Variants in NR3C2 observed in about 807,000 individuals in gnomAD.
NR3C2 encodes the protein mineralocorticoid receptor.
In NR3C2, 15 loss-of-function variants were observed where a neutral mutation model predicts 86.4. The ratio of observed to expected loss-of-function variants is 0.17; its 90% CI spans 0.12 to 0.27. The LOEUF is 0.27. Among genes scored for constraint, NR3C2 ranks in the 10% least tolerant of loss-of-function variants. NR3C2 has a pLI of 1.00. For synonymous variants in NR3C2, 458 were observed against 450.5 expected (o/e 1.02, Z -0.21); for missense variants, 960 against 1,195.6 (o/e 0.80, Z 2.91).
intron 3 of NR3C2, among the ~76,000 whole-genome samples, chr4:148,219,901 T>A (rs1455374713): frequency 6.6e-6 from 1 of 152,164 alleles, no homozygotes; most frequent in African/African-American, 2.4e-5. Flanking sequence ...CTTACATAAA[T>A]AAAAGCTCTT....
rs141859117 is a variant in NR3C2 at position 148,197,659 on chromosome 4, C to T, written c.1898-2797G>A. ...AAGGATTTTAAAAAAAAATACCCTT[C>T]AAAAATTTGTTACTGTAACAACCCA... On this transcript the variant is annotated intron_variant, in intron 3 of 8. Transcript: ENST00000358102. 1.6e-4 allele frequency among the ~76,000 whole-genome samples: 24 copies of T among 152,220 alleles called. No homozygotes were observed. The South Asian group carries it at 3.1e-3, about 20-fold the overall frequency.
intron 2 of NR3C2, among the ~76,000 whole-genome samples, chr4:148,372,465 A>T (rs1746465952): frequency 6.6e-6 from 1 of 152,140 alleles, no homozygotes; most frequent in Non-Finnish European, 1.5e-5. Context: ...AAAAATGAAC[A>T]GATGAGGTCA....
rs546236032 is a variant in NR3C2, at chr4:148,397,654, CA to C, written c.1757+37449del. On this transcript the variant is annotated intron_variant, in intron 2 of 8. Coordinates refer to ENST00000358102, the MANE Select transcript of NR3C2 (RefSeq NM_000901.5). ...CCTTTCCTTTTCCTAATCCCCTAAGCACCTTATTTCAATTTTTTAATTGAAG... is the reference window on the plus strand; with the variant it reads ...CCTTTCCTTTTCCTAATCCCCTAAGCCCTTATTTCAATTTTTTAATTGAAG... Among the ~76,000 whole-genome samples, 11 of 152,240 alleles carry C rather than the reference CA, an allele frequency of 7.2e-5. No individual in the cohort carries two copies. In the East Asian group the frequency reaches 1.5e-3, roughly 21 times the overall value.
intron 2 of NR3C2, among the ~76,000 whole-genome samples, chr4:148,308,969 T>A (rs1742774534): frequency 6.6e-6 from 1 of 151,852 alleles, no homozygotes; most frequent in East Asian, 1.9e-4. Context: ...GGCAACAGAG[T>A]GAGACTCTGT....
chr4:148,143,202 A>AT (rs1157284183), intron 6 of NR3C2, among the ~76,000 whole-genome samples: 3 of 152,224 alleles, frequency 2.0e-5, no homozygotes, highest in Non-Finnish European at 4.4e-5. Flanking sequence ...CTGCACAGAG[A>AT]ACAGACATCC....
intron 3 of NR3C2, among the ~76,000 whole-genome samples, chr4:148,214,621 T>G (rs1395402460): frequency 1.3e-5 from 2 of 152,022 alleles, no homozygotes. Context: ...AAATGTGGGA[T>G]CCAGCATCTT....
intron 2 of NR3C2, among the ~76,000 whole-genome samples, chr4:148,319,068 G>A (rs1743398654): frequency 2.0e-5 from 3 of 151,680 alleles, no homozygotes; most frequent in African/African-American, 4.9e-5. Flanking sequence ...GTGTAAGGAA[G>A]GGATCCAGTT....
chr4:148,295,190 GT>G (rs1331956435), intron 2 of NR3C2, among the ~76,000 whole-genome samples: 2 of 151,976 alleles, frequency 1.3e-5, no homozygotes. Flanking sequence ...CAAAATGAAA[GT>G]TTTTCTTCAG....
chr4:148,230,902 C>T (rs1218461178), intron 3 of NR3C2, among the ~76,000 whole-genome samples: 1 of 152,202 alleles, frequency 6.6e-6, no homozygotes, highest in African/African-American at 2.4e-5. Context: ...AAGAAAGATG[C>T]TCAGCAAATT....
intron 2 of NR3C2, among the ~76,000 whole-genome samples, chr4:148,401,966 T>C (rs922489439): frequency 6.6e-6 from 1 of 152,176 alleles, no homozygotes; most frequent in African/African-American, 2.4e-5. Flanking sequence ...GTAAGGTCTC[T>C]GTTACAGTCT....
intron 2 of NR3C2, among the ~76,000 whole-genome samples, chr4:148,430,328 C>G (rs990552524): frequency 6.6e-6 from 1 of 152,076 alleles, no homozygotes; most frequent in African/African-American, 2.4e-5. Context: ...GGCAGACATA[C>G]TGACATATAA....
intron 2 of NR3C2, among the ~76,000 whole-genome samples, chr4:148,428,675 T>C (rs1033153268): frequency 2.6e-5 from 4 of 152,204 alleles, no homozygotes. Context: ...ATACAAAAGA[T>C]AGACGCTTAC....
chr4:148,324,333 G>C (rs1472485406), intron 2 of NR3C2, among the ~76,000 whole-genome samples: 3 of 38,056 alleles, frequency 7.9e-5, no homozygotes, highest in Admixed American at 3.3e-4. Context: ...ATATTCCTCT[G>C]TGTGTGTGTG....
At chr4:148,254,433 C>T (rs1739726287) in intron 3 of NR3C2, among the ~76,000 whole-genome samples, 1 of 152,192 alleles carries the variant, frequency 6.6e-6, no homozygotes, top group Non-Finnish European at 1.5e-5. Context: ...CAAGTCTGAT[C>T]TCTCAAGATT....
At position 148,120,091 on chromosome 4, in the gene NR3C2, G is replaced by C. The variant is rs534394749; in HGVS notation, c.2641+67C>G. 1.9e-6 allele frequency: 3 copies of C among 1,597,178 alleles called. No individual in the cohort carries two copies. The African/African-American group carries it at 4.0e-5, about 21-fold the overall frequency. On this transcript the variant is annotated intron_variant, in intron 7 of 8. Transcript: ENST00000358102. ...ACCAACTACCTGAATACAATAAATAGCCTACTGCCCTATGGGGAAGATGAT... is the reference window on the plus strand; with the variant it reads ...ACCAACTACCTGAATACAATAAATACCCTACTGCCCTATGGGGAAGATGAT...
At position 148,080,838 on chromosome 4, in the gene NR3C2, G is replaced by A. The variant is rs1352192731; in HGVS notation, c.*506C>T. 2 of 420,538 alleles carry A rather than the reference G, an allele frequency of 4.8e-6. No homozygotes were observed. The highest frequency in any genetic ancestry group is 9.7e-6 in the Non-Finnish European group (2 of 206,466). The allele number at this position is 420,538 out of a possible 1,614,324, so 26.1% of individuals were successfully genotyped here. On this transcript the variant is annotated 3_prime_UTR_variant, in exon 9 of 9. Transcript: ENST00000358102. Reference sequence around the variant, plus strand: ...GCTGCTGCCCCACGCCACGAGTTCTGTTATTACACAACAGGAATCTGTATA... The same window carrying A: ...GCTGCTGCCCCACGCCACGAGTTCTATTATTACACAACAGGAATCTGTATA...
chr4:148,187,111 T>C (rs1735964933), intron 4 of NR3C2, among the ~76,000 whole-genome samples: 1 of 149,854 alleles, frequency 6.7e-6, no homozygotes, highest in Non-Finnish European at 1.5e-5. Flanking sequence ...TATCCACTTG[T>C]TGATTGATGG....
chr4:148,317,114 A>G (rs2149945026), intron 2 of NR3C2, among the ~76,000 whole-genome samples: 1 of 152,294 alleles, frequency 6.6e-6, no homozygotes, highest in South Asian at 2.1e-4. Context: ...TTTTTAATGG[A>G]AAATCACAGT....
intron 2 of NR3C2, among the ~76,000 whole-genome samples, chr4:148,373,489 T>C (rs1305962160): frequency 1.3e-5 from 2 of 150,188 alleles, no homozygotes; most frequent in Admixed American, 1.3e-4. Context: ...TCTTTTTTTT[T>C]TTTTAGATGG....
Sources: allele counts gnomAD v4.1 joint callset (sites outside exome capture counted in the v4.1 genomes callset), GRCh38; gene constraint gnomAD v4.1.1; transcripts MANE v1.5; gene names NCBI Gene and HGNC (gene_info 2026-07-23, HGNC 2026-07-21).